The following TNRC6C variants were observed in gnomAD, a reference collection of about 807,000 sequenced individuals.
TNRC6C encodes trinucleotide repeat containing adaptor 6C.
Under a neutral mutation model 153.7 loss-of-function variants are expected in TNRC6C, and 20 were observed. That is an observed-to-expected ratio of 0.13 (90% CI 0.09 to 0.19). TNRC6C has a LOEUF of 0.19. Ranked by LOEUF, TNRC6C falls within the 10% of genes least tolerant of loss-of-function variation. The probability of loss-of-function intolerance (pLI) is 1.00; values close to 1 mark genes in which losing one functional copy is unlikely to be tolerated. For synonymous variants in TNRC6C, 811 were observed against 841.4 expected (o/e 0.96, Z 0.63); for missense variants, 1,987 against 2,172.0 (o/e 0.91, Z 1.69).
rs770775719 is a variant in TNRC6C, at chr17:78,104,679, C to T, written c.4907C>T (p.Pro1636Leu). The change falls in exon 20 of 20, where the codon CCG becomes CTG. Residue 1636 changes from proline (P) to leucine (L), a missense_variant. This residue lies in a region of TNRC6C where 139 missense variants were observed against 148.5 expected (regional missense o/e 0.94). Coordinates refer to ENST00000301624, the Ensembl canonical transcript of TNRC6C. The surrounding 1 kb of genome is among the most constrained non-coding windows in gnomAD (Gnocchi z 6.2). The stretch of plus-strand genomic sequence containing the variant: ...AGCGACGCTGGCCACTGGAACGCCC[C>T]GTGCCTGGGTGGCAAGGGGAGCAGT... 15 of 1,542,072 alleles carry T rather than the reference C, an allele frequency of 9.7e-6. No individual in the cohort carries two copies. The highest frequency in any genetic ancestry group is 9.5e-5 in the South Asian group (8 of 83,924).
rs533680890 is a variant in TNRC6C, at chr17:78,033,632, G to A, written c.-219+1790G>A. 2.4e-3 allele frequency among the ~76,000 whole-genome samples: 357 copies of A among 151,786 alleles called. 1 individual carries two copies. Among genetic ancestry groups the A allele is most frequent in the Non-Finnish European group, 3.9e-3 (262 of 67,958 alleles). ...TGCGGCGAGCCGAGATCACGCCATT[G>A]CACTCCAGCCTGGGTGACAAGAGTG... On this transcript the variant is annotated intron_variant, in intron 2 of 19. Coordinates refer to ENST00000301624, the Ensembl canonical transcript of TNRC6C.
intron 13 of TNRC6C, 90 bp downstream of exon 15, chr17:78,087,183 A>G (rs2073310568): frequency 6.5e-7 from 1 of 1,539,090 alleles, no homozygotes. Context: ...TTCAGTGGTT[A>G]GGAGGACTGG....
chr17:78,049,546 C>A lies in TNRC6C; in HGVS notation c.484C>A (p.Pro162Thr). 6.2e-7 allele frequency: 1 copy of A among 1,614,002 alleles called. No homozygotes were observed. The highest frequency in any genetic ancestry group is 1.1e-5 in the South Asian group (1 of 91,080). Residue 162 changes from proline (P) to threonine (T), a missense_variant, in exon 3 of 20, where the codon CCA becomes ACA. Pro to Thr is a conservative substitution (Grantham distance 38). Around this residue, in one of 4 missense-constraint regions of TNRC6C, gnomAD observed 1,052 missense variants for 1,017.0 expected, o/e 1.03. Transcript: ENST00000301624. This position sits in a 1 kb window ranked among gnomAD's most constrained non-coding sequence, Gnocchi z 4.1. ...CTTGCTGCCACAAGAGAGCACAGAA[C>A]CACAAACGTCCACTTCTCAGAATGT... is the stretch of plus-strand genomic sequence containing the variant.
At chr17:78,031,882 A>G (rs965830980) in intron 2 of TNRC6C, 40 bp downstream of exon 4, 5 of 1,231,596 alleles carry the variant, frequency 4.1e-6, no homozygotes, top group Non-Finnish European at 5.1e-6. Flanking sequence ...TTGATCTGAA[A>G]ACTTTGCTAT....
intron 14 of TNRC6C, among the ~76,000 whole-genome samples, chr17:78,092,148 T>C (rs1187238909): frequency 1.3e-5 from 2 of 152,222 alleles, no homozygotes; most frequent in African/African-American, 4.8e-5. Flanking sequence ...CTCTCAAGCA[T>C]TAAATTTAAC....
At chr17:78,072,627 A>C (rs1202404667) in intron 6 of TNRC6C, among the ~76,000 whole-genome samples, 1 of 152,214 alleles carries the variant, frequency 6.6e-6, no homozygotes, top group African/African-American at 2.4e-5. Context: ...TCACACCTGT[A>C]ATCCCAACAC....
At chr17:78,105,456 A>T (rs2073676977) in exon 20 of TNRC6C, 1 of 152,220 alleles carries the variant, frequency 6.6e-6, no homozygotes, top group Non-Finnish European at 1.5e-5. Context: ...AATATTTTTT[A>T]AAAGTTAAAA....
In TNRC6C at chr17:78,050,746, G is replaced by A. The variant is rs200217894; in HGVS notation, c.1684G>A (p.Ala562Thr). 1.2e-4 allele frequency: 190 copies of A among 1,592,352 alleles called. No individual in the cohort carries two copies. Among genetic ancestry groups the A allele is most frequent in the Middle Eastern group, 8.4e-4 (5 of 5,964 alleles). The change falls in exon 3 of 20, where the codon GCA becomes ACA. Residue 562 changes from alanine (A) to threonine (T), a missense_variant. By Grantham distance (58) the Ala-to-Thr change is moderately conservative. This residue lies in a region of TNRC6C where 1,052 missense variants were observed against 1,017.0 expected (regional missense o/e 1.03). Transcript: ENST00000301624. ...GAGTGGCCATGCTTGGAGTGGGGCC[G>A]CAAATCAGGAGGACAAGTCACCCAC...
intron 4 of TNRC6C, chr17:78,066,485 C>CATGCG (rs1473579184): frequency 7.2e-5 from 11 of 152,152 alleles, no homozygotes; most frequent in African/African-American, 2.6e-4. Context: ...TATTTAGATT[C>CATGCG]ATGCGCCATT....
chr17:78,037,085 A>G (rs1291343202), intron 2 of TNRC6C, among the ~76,000 whole-genome samples: 1 of 152,230 alleles, frequency 6.6e-6, no homozygotes, highest in Admixed American at 6.5e-5. Flanking sequence ...TTTGATTTAC[A>G]TTAATCTGCA....
chr17:77,961,449 C>G (rs1419913032), intron 1 of TNRC6C, among the ~76,000 whole-genome samples: 1 of 152,214 alleles, frequency 6.6e-6, no homozygotes, highest in Non-Finnish European at 1.5e-5. Context: ...AGCCACCACG[C>G]TCGGCCGGTT....
At chr17:77,970,512 C>T (rs7210592) in intron 1 of TNRC6C, among the ~76,000 whole-genome samples, 16,870 of 152,194 alleles carry the variant, frequency 0.11, 1,748 homozygotes, top group African/African-American at 0.28. Flanking sequence ...GATATCACAA[C>T]TTTCAGGAGA....
Position 78,051,142 on chromosome 17 carries a change from G to A in TNRC6C, c.2080G>A (p.Gly694Arg), listed in dbSNP as rs370445459. 144 of 1,575,972 alleles carry A rather than the reference G, an allele frequency of 9.1e-5. No homozygotes were observed. In the Admixed American group the frequency reaches 1.6e-3, roughly 18 times the overall value. Residue 694 changes from glycine (G) to arginine (R), a missense_variant, in exon 3 of 20, where the codon GGG (glycine) becomes AGG (arginine). Transcript: ENST00000301624. ...GAAACAGACAGGAACAGGGTGGATC[G>A]GGGGGCCGGTACCGGTCAAACAGAA...
chr17:78,021,630 C>T (rs1168376065), intron 1 of TNRC6C, among the ~76,000 whole-genome samples: 1 of 152,094 alleles, frequency 6.6e-6, no homozygotes, highest in Non-Finnish European at 1.5e-5. Context: ...AGTGCGATGG[C>T]GCAGTCTCGG....
At chr17:78,098,691 T>C (rs147653488) in intron 17 of TNRC6C, among the ~76,000 whole-genome samples, 154 bp downstream of exon 20, 250 of 152,250 alleles carry the variant, frequency 1.6e-3, no homozygotes, top group African/African-American at 5.7e-3. Flanking sequence ...TAGATGTCCA[T>C]CCAGGGCAGT....
intron 11 of TNRC6C, among the ~76,000 whole-genome samples, chr17:78,085,003 C>T (rs1483645616): frequency 2.0e-5 from 3 of 152,218 alleles, no homozygotes; most frequent in South Asian, 2.1e-4. Context: ...AGGCAGTGCA[C>T]ATGTGCAGTC....
At chr17:78,001,364 A>C (rs1263582382), upstream of TNRC6C, among the ~76,000 whole-genome samples, 1 of 152,186 alleles carries the variant, frequency 6.6e-6, no homozygotes, top group Non-Finnish European at 1.5e-5. Context: ...TGCCGTTGCT[A>C]CTGAAACATA....
intron 1 of TNRC6C, among the ~76,000 whole-genome samples, chr17:77,970,752 T>A (rs553905857): frequency 6.6e-6 from 1 of 152,278 alleles, no homozygotes; most frequent in Admixed American, 6.5e-5. Context: ...TCTTCCAAGG[T>A]GGCCCAGGGA....
chr17:78,103,042 G>A (rs1055224959), intron 18 of TNRC6C, among the ~76,000 whole-genome samples: 5 of 152,102 alleles, frequency 3.3e-5, no homozygotes, highest in Non-Finnish European at 5.9e-5. Context: ...GTCCCTTCCC[G>A]GGACCCAGGC....
Sources: allele counts gnomAD v4.1 joint callset (sites outside exome capture counted in the v4.1 genomes callset), GRCh38; gene constraint gnomAD v4.1.1; regional missense constraint gnomAD v4.1.1; non-coding constraint Gnocchi (gnomAD v3.1); transcripts MANE v1.5; gene names NCBI Gene and HGNC (gene_info 2026-07-23, HGNC 2026-07-21).